SLC25A16: variants seen among roughly 807,000 people sequenced by gnomAD.
SLC25A16 encodes the protein mitochondrial coenzyme A transporter SLC25A16.
SLC25A16 carries 39 observed loss-of-function variants against 41.5 expected under a neutral mutation model. That is an observed-to-expected ratio of 0.94 (90% CI 0.73 to 1.23). SLC25A16 has a LOEUF of 1.23. Among genes scored for constraint, SLC25A16 ranks in the 50% most tolerant of loss-of-function variants. The pLI is 0.00. For synonymous variants in SLC25A16, 146 were observed against 147.8 expected (o/e 0.99, Z 0.09); for missense variants, 421 against 426.9 (o/e 0.99, Z 0.12).
chr10:68,506,978 T>C (rs1008356200), intron 2 of SLC25A16, among the ~76,000 whole-genome samples: 3 of 150,714 alleles, frequency 2.0e-5, no homozygotes, highest in African/African-American at 7.3e-5. Context: ...CTATTTATAA[T>C]AATAGCAAAT....
intron 2 of SLC25A16, among the ~76,000 whole-genome samples, chr10:68,511,399 G>A (rs1387812995): frequency 6.6e-6 from 1 of 152,100 alleles, no homozygotes; most frequent in East Asian, 1.9e-4. Context: ...GCCTTGTAGG[G>A]TATACTGTAA....
chr10:68,521,644 A>T (rs1290687180), intron 1 of SLC25A16, among the ~76,000 whole-genome samples: 7 of 129,494 alleles, frequency 5.4e-5, no homozygotes, highest in Non-Finnish European at 9.3e-5. Context: ...CCCAGGCTGG[A>T]GTGCAGTGGC....
chr10:68,514,601 A>T (rs1263321210), intron 2 of SLC25A16, among the ~76,000 whole-genome samples: 1 of 152,234 alleles, frequency 6.6e-6, no homozygotes, highest in Admixed American at 6.5e-5. Context: ...GCAAGGTCAA[A>T]GAATAGGTAC....
At chr10:68,493,008 A>T (rs2052685990) in intron 6 of SLC25A16, 124 bp downstream of exon 6, 1 of 658,842 alleles carries the variant, frequency 1.5e-6, no homozygotes, top group Non-Finnish European at 2.7e-6. Flanking sequence ...GACCATCCAT[A>T]AATCATTTCT....
chr10:68,487,089 G>A, intron 8 of SLC25A16, 55 bp downstream of exon 8: 1 of 1,358,584 alleles, frequency 7.4e-7, no homozygotes, highest in East Asian at 2.3e-5. Context: ...TCTCCTTACT[G>A]AGTTTAATGT....
intron 4 of SLC25A16, among the ~76,000 whole-genome samples, chr10:68,501,159 G>A (rs10998231): frequency 0.082 from 12,354 of 150,346 alleles, 773 homozygotes; most frequent in African/African-American, 0.17. Context: ...GCTGAGACTG[G>A]AGAATCGCTT....
intron 4 of SLC25A16, among the ~76,000 whole-genome samples, chr10:68,497,621 A>AT (rs565594457): frequency 2.9e-4 from 40 of 140,100 alleles, no homozygotes; most frequent in Admixed American, 4.3e-4. Context: ...TTTTTTTTTA[A>AT]TTTTTTTTTT....
Position 68,480,788 on chromosome 10 carries a change from G to C in SLC25A16, c.*2644C>G, listed in dbSNP as rs1324953117. The C allele has an allele frequency of 6.6e-6, 1 of 151,682 alleles. No homozygotes were observed. The highest frequency in any genetic ancestry group is 2.4e-5 in the African/African-American group (1 of 41,284). 9.4% of individuals were successfully genotyped at this position (151,682 alleles called of 1,614,324 possible). On this transcript the variant is annotated 3_prime_UTR_variant, in exon 9 of 9. Transcript: ENST00000609923. The stretch of plus-strand genomic sequence containing the variant: ...TGAGATTACAGGGGTGAGCCACCAT[G>C]CCCGGCTCAATACTTATTTTATATA...
At chr10:68,486,016 C>T (rs1436999302) in intron 8 of SLC25A16, among the ~76,000 whole-genome samples, 14 of 150,920 alleles carry the variant, frequency 9.3e-5, no homozygotes, top group African/African-American at 2.9e-4. Flanking sequence ...CCAGGAGTAC[C>T]AGACCAGCCT....
rs2052460477 is a variant in SLC25A16 at position 68,479,411 on chromosome 10, AG to A, written c.*4020del. ...ATTTGGGAACCCAAATCAGATTGCA[AG>A]TACAGCTAACAAGCCTCCCAAGGGA... On this transcript the variant is annotated 3_prime_UTR_variant, in exon 9 of 9. Coordinates refer to ENST00000609923, the MANE Select transcript of SLC25A16 (RefSeq NM_152707.4). 6.6e-6 allele frequency: 1 copy of A among 152,218 alleles called. No individual in the cohort carries two copies. The highest frequency in any genetic ancestry group is 2.1e-4 in the South Asian group (1 of 4,826). The allele number at this position is 152,218 out of a possible 1,614,324, so 9.4% of individuals were successfully genotyped here. A position where few individuals can be genotyped will look rare whatever the true frequency, so the allele number is the denominator to read the frequency against.
Position 68,506,718 on chromosome 10 carries a change from C to G in SLC25A16, c.224G>C (p.Gly75Ala). ...AACAGCACGCAATGCAGAAAATACTCCTATTTTTAGAGGAAAAATGCTGTT... is the reference window on the plus strand; with the variant it reads ...AACAGCACGCAATGCAGAAAATACTGCTATTTTTAGAGGAAAAATGCTGTT... ...QAHNHHYKHLGVFSALRAVPQ... is the reference protein window; with the variant it reads ...QAHNHHYKHLAVFSALRAVPQ... The change falls in exon 3 of 9, where the codon GGA becomes GCA. Residue 75 changes from glycine (G) to alanine (A), a missense_variant and splice_region_variant. By Grantham distance (60) the Gly-to-Ala change is moderately conservative. Coordinates refer to ENST00000609923, the MANE Select transcript of SLC25A16 (RefSeq NM_152707.4). 6.4e-7 allele frequency: 1 copy of G among 1,557,036 alleles called. No homozygotes were observed. The highest frequency in any genetic ancestry group is 8.7e-7 in the Non-Finnish European group (1 of 1,152,964).
At chr10:68,492,396 A>C (rs1014635902) in intron 6 of SLC25A16, among the ~76,000 whole-genome samples, 2 of 152,210 alleles carry the variant, frequency 1.3e-5, no homozygotes, top group Non-Finnish European at 2.9e-5. Flanking sequence ...TGTTTAAACT[A>C]AACTGGCTGC....
chr10:68,492,271 A>AGT, intron 6 of SLC25A16, among the ~76,000 whole-genome samples: 1 of 152,140 alleles, frequency 6.6e-6, no homozygotes, highest in South Asian at 2.1e-4. Context: ...GCTTTCTTCA[A>AGT]CCCTTCCTCT....
rs1256460455 is a variant in SLC25A16, at chr10:68,516,765, T to A, written c.209A>T (p.His70Leu). The A allele has an allele frequency of 4.4e-6, 7 of 1,605,366 alleles. No homozygotes were observed. The Middle Eastern group carries it at 6.6e-4, about 152-fold the overall frequency. The part of the protein sequence containing the change: ...VKVLLQAHNH[H>L]YKHLGVFSAL... Reference sequence around the variant, plus strand: ...TATTAACTCACCTAAATGCTTGTAATGGTGATTGTGAGCTTGTAATAAAAC... The same window carrying A: ...TATTAACTCACCTAAATGCTTGTAAAGGTGATTGTGAGCTTGTAATAAAAC... Residue 70 changes from histidine to leucine, a missense_variant, in exon 2 of 9, where the codon CAT (histidine) becomes CTT (leucine). His to Leu is a moderately conservative substitution (Grantham distance 99, BLOSUM62 -3). Transcript: ENST00000609923.
chr10:68,518,809 AT>A (rs146486669), intron 1 of SLC25A16, among the ~76,000 whole-genome samples: 9,869 of 107,016 alleles, frequency 0.092, 598 homozygotes, highest in African/African-American at 0.22. Flanking sequence ...AAATAAATAA[AT>A]TAAATAAATA....
chr10:68,497,218 T>C (rs1042000506), intron 4 of SLC25A16, among the ~76,000 whole-genome samples: 24 of 152,142 alleles, frequency 1.6e-4, no homozygotes, highest in African/African-American at 5.8e-4. Flanking sequence ...CCAGAGTCCA[T>C]GTACATATTC....
chr10:68,497,743 A>G (rs1321333786), intron 4 of SLC25A16, among the ~76,000 whole-genome samples: 4 of 151,552 alleles, frequency 2.6e-5, no homozygotes, highest in Non-Finnish European at 4.4e-5. Flanking sequence ...CAGCCTCCCA[A>G]GTAGTTGGGA....
chr10:68,490,942 T>C (rs2052647437), intron 6 of SLC25A16, among the ~76,000 whole-genome samples: 1 of 151,656 alleles, frequency 6.6e-6, no homozygotes, highest in Non-Finnish European at 1.5e-5. Context: ...CAGGCTGGAG[T>C]AGAGTGGCAT....
At chr10:68,493,058 C>T in intron 6 of SLC25A16, 74 bp downstream of exon 6, 4 of 809,224 alleles carry the variant, frequency 4.9e-6, no homozygotes, top group South Asian at 1.6e-5. Flanking sequence ...TTTATATTAC[C>T]ATTTCAGAAA....
Sources: allele counts gnomAD v4.1 joint callset (sites outside exome capture counted in the v4.1 genomes callset), GRCh38; gene constraint gnomAD v4.1.1; transcripts MANE v1.5; gene names NCBI Gene and HGNC (gene_info 2026-07-23, HGNC 2026-07-21).